Variants in GEMIN5 observed in about 807,000 individuals in gnomAD.
GEMIN5 encodes gem nuclear organelle associated protein 5.
GEMIN5 carries 124 observed loss-of-function variants against 176.9 expected under a neutral mutation model. That is an observed-to-expected ratio of 0.70 (90% CI 0.61 to 0.81). The LOEUF (loss-of-function observed/expected upper bound fraction) is 0.81. GEMIN5 is among the 40% of genes least tolerant of loss of function. The pLI is 0.00. For synonymous variants in GEMIN5, 673 were observed against 665.2 expected, an observed-to-expected ratio of 1.01 and a Z score of -0.18; for missense variants, 1,843 against 1,814.6, an observed-to-expected ratio of 1.02 and a Z score of -0.28.
At position 154,902,538 on chromosome 5, in the gene GEMIN5, C is replaced by A; in HGVS notation, c.2866+1G>T. On this transcript the variant is annotated splice_donor_variant, in intron 20 of 27. Transcript: ENST00000285873. LOFTEE classifies it high-confidence loss of function. ...AAAGAACAAACAAACAAAAACCATA[C>A]CTGCTGGTGCCATAGCCACAAGGTT... is the stretch of plus-strand genomic sequence containing the variant. 6.2e-7 allele frequency: 1 copy of A among 1,613,780 alleles called. No individual in the cohort carries two copies. Among genetic ancestry groups the A allele is most frequent in the South Asian group, 1.1e-5 (1 of 91,018 alleles).
At chr5:154,917,577 T>C (rs758542901) in intron 12 of GEMIN5, among the ~76,000 whole-genome samples, 2 of 152,196 alleles carry the variant, frequency 1.3e-5, no homozygotes, top group East Asian at 3.9e-4. Flanking sequence ...ATTATGACTG[T>C]GTTACTATGA....
chr5:154,930,063 T>G (rs1764129152), intron 5 of GEMIN5, among the ~76,000 whole-genome samples: 1 of 152,232 alleles, frequency 6.6e-6, no homozygotes, highest in East Asian at 1.9e-4. Context: ...GCAACCTTTT[T>G]CGATTACCTG....
At chr5:154,920,175 AC>A in intron 10 of GEMIN5, 72 bp from the exon 11 acceptor site, 1 of 1,127,772 alleles carries the variant, frequency 8.9e-7, no homozygotes, top group Non-Finnish European at 1.3e-6. Flanking sequence ...CTATAGTATG[AC>A]CATACCATAC....
At chr5:154,904,949 T>G (rs985127377) in intron 17 of GEMIN5, among the ~76,000 whole-genome samples, 12 of 152,152 alleles carry the variant, frequency 7.9e-5, no homozygotes, top group Non-Finnish European at 1.5e-4. Flanking sequence ...TCCCAGCACT[T>G]TGGGAGGCTG....
intron 1 of GEMIN5, among the ~76,000 whole-genome samples, chr5:154,937,584 C>A (rs1764295941): frequency 6.6e-6 from 1 of 152,200 alleles, no homozygotes; most frequent in Non-Finnish European, 1.5e-5. Flanking sequence ...ATTCATCTTA[C>A]AGTAAGGAAT....
chr5:154,897,914 G>T lies in GEMIN5; in HGVS notation c.3345+526C>A, dbSNP rs138761088. Among the ~76,000 whole-genome samples the T allele has an allele frequency of 5.0e-4, 62 of 124,444 alleles. 1 individual carries two copies. The highest frequency in any genetic ancestry group is 4.6e-4 in the East Asian group (2 of 4,322). The allele number at this position is 124,444 out of a possible 152,430, so 81.6% of individuals were successfully genotyped here. ...GGCTGACTAAGGTGTTTTTTTTTGT[G>T]TTTTTTTTTTTTTTTTTGAGACAGA... On this transcript the variant is annotated intron_variant, in intron 23 of 27. Transcript: ENST00000285873.
intron 23 of GEMIN5, among the ~76,000 whole-genome samples, chr5:154,897,254 A>G (rs1298408046): frequency 6.6e-6 from 1 of 152,222 alleles, no homozygotes; most frequent in Non-Finnish European, 1.5e-5. Context: ...ATATTCAGCT[A>G]AAAACCATCT....
At chr5:154,902,970 G>A (rs1021987450) in intron 19 of GEMIN5, 110 bp downstream of exon 19, 8 of 765,842 alleles carry the variant, frequency 1.0e-5, no homozygotes, top group Admixed American at 5.1e-5. Flanking sequence ...TAGCTGACAC[G>A]TAAAACTAAC....
intron 3 of GEMIN5, among the ~76,000 whole-genome samples, chr5:154,933,198 C>T (rs1764202198): frequency 6.6e-6 from 1 of 152,226 alleles, no homozygotes; most frequent in South Asian, 2.1e-4. Context: ...TTCCTCTACC[C>T]AGAGGTCAAA....
At chr5:154,919,635 C>T (rs1763882042) in intron 11 of GEMIN5, among the ~76,000 whole-genome samples, 1 of 152,140 alleles carries the variant, frequency 6.6e-6, no homozygotes, top group Admixed American at 6.6e-5. Flanking sequence ...AGTGGTTGGC[C>T]TGAAAAGGAT....
chr5:154,937,042 C>T lies in GEMIN5; in HGVS notation c.310G>A (p.Glu104Lys). Residue 104 changes from glutamate (E) to lysine (K), a missense_variant, in exon 2 of 28, where the codon GAA (glutamate) becomes AAA (lysine). Transcript: ENST00000285873. ...CATGGTACCTGATGGAGTGCATGTTCTGTCACAACTGTTTTTGTCTCTACA... is the reference window on the plus strand; with the variant it reads ...CATGGTACCTGATGGAGTGCATGTTTTGTCACAACTGTTTTTGTCTCTACA... ...WDVETKTVVT[E>K]HALHQHTIST... is the part of the protein sequence containing the mutation. The T allele has an allele frequency of 1.2e-6, 2 of 1,613,452 alleles. No homozygotes were observed. Among genetic ancestry groups the T allele is most frequent in the Non-Finnish European group, 1.7e-6 (2 of 1,179,620 alleles).
At chr5:154,916,645 C>T (rs954178934) in intron 13 of GEMIN5, among the ~76,000 whole-genome samples, 13 of 151,964 alleles carry the variant, frequency 8.6e-5, no homozygotes, top group African/African-American at 2.9e-4. Context: ...GCACCTCTAA[C>T]CCGGCAAATT....
Position 154,931,504 on chromosome 5 carries a change from T to C in GEMIN5, c.735A>G (p.Gly245=). The C allele has an allele frequency of 6.2e-7, 1 of 1,613,328 alleles. No individual in the cohort carries two copies. The highest frequency in any genetic ancestry group is 8.5e-7 in the Non-Finnish European group (1 of 1,179,272). ...PVTKGCYLAT[G]SKDQTIRIWS... is the part of the protein sequence containing the mutation. ...AGATTCGAATGGTTTGATCTTTGCT[T>C]CCAGTGGCTAAGTAGCAACCTTTTG... is the stretch of plus-strand genomic sequence containing the variant. The change falls in exon 5 of 28, where the codon GGA becomes GGG. Residue 245 remains glycine, a synonymous_variant. Coordinates refer to ENST00000285873, the MANE Select transcript of GEMIN5 (RefSeq NM_015465.5).
intron 9 of GEMIN5, among the ~76,000 whole-genome samples, 155 bp from the exon 10 acceptor site, chr5:154,921,580 T>C (rs772391848): frequency 2.0e-5 from 3 of 152,230 alleles, no homozygotes; most frequent in Admixed American, 6.5e-5. Flanking sequence ...AATAGTTGAC[T>C]GTAAAGCAGT....
At chr5:154,916,437 A>C (rs1371169550) in intron 13 of GEMIN5, among the ~76,000 whole-genome samples, 1 of 152,218 alleles carries the variant, frequency 6.6e-6, no homozygotes, top group Non-Finnish European at 1.5e-5. Context: ...AATATATAGC[A>C]AGCCAATAAC....
chr5:154,913,550 G>A (rs1188724998), intron 13 of GEMIN5, among the ~76,000 whole-genome samples: 9 of 152,278 alleles, frequency 5.9e-5, no homozygotes, highest in African/African-American at 1.7e-4. Context: ...TTGGCCAGGC[G>A]TGTCGGCTCA....
intron 13 of GEMIN5, among the ~76,000 whole-genome samples, chr5:154,913,344 C>T (rs1763745577): frequency 6.6e-6 from 1 of 152,146 alleles, no homozygotes; most frequent in Admixed American, 6.5e-5. Flanking sequence ...AGTGTGGACA[C>T]ATCCACAGTG....
At chr5:154,916,937 T>C (rs1482152114) in intron 13 of GEMIN5, 61 bp downstream of exon 13, 2 of 854,330 alleles carry the variant, frequency 2.3e-6, no homozygotes, top group East Asian at 2.8e-5. Flanking sequence ...GTAACAAAGA[T>C]TAGAATGGAA....
In GEMIN5 at chr5:154,901,468, A is replaced by G; in HGVS notation, c.2885T>C (p.Leu962Pro). Reference sequence around the variant, plus strand: ...TTTGGCAAAAGCTTCCACAGCCCATAGCCACACATGGTAGCCAGCTGAAAA... The same window carrying G: ...TTTGGCAAAAGCTTCCACAGCCCATGGCCACACATGGTAGCCAGCTGAAAA... The part of the protein sequence containing the change: ...MAPAAGYHVW[L>P]WAVEAFAKQL... The change falls in exon 21 of 28, where the codon CTA becomes CCA. Residue 962 changes from leucine to proline, a missense_variant. Transcript: ENST00000285873. The G allele has an allele frequency of 6.2e-7, 1 of 1,614,034 alleles. No individual in the cohort carries two copies. The highest frequency in any genetic ancestry group is 8.5e-7 in the Non-Finnish European group (1 of 1,179,956).
Sources: allele counts gnomAD v4.1 joint callset (sites outside exome capture counted in the v4.1 genomes callset), GRCh38; gene constraint gnomAD v4.1.1; transcripts MANE v1.5; gene names NCBI Gene and HGNC (gene_info 2026-07-23, HGNC 2026-07-21).